NBPF11: variants seen among roughly 807,000 people sequenced by gnomAD.
NBPF11 encodes the protein NBPF member 11, also known as NBPF family member NBPF11.
A neutral mutation model predicts 93.9 loss-of-function variants in NBPF11; 72 were observed. The ratio of observed to expected loss-of-function variants is 0.77; its 90% CI spans 0.63 to 0.93. NBPF11 has a LOEUF of 0.93. Ranked by LOEUF, NBPF11 falls within the 40% of genes least tolerant of loss-of-function variation. NBPF11 has a pLI of 0.00. For synonymous variants in NBPF11, 224 were observed against 304.9 expected (o/e 0.73, Z 2.76); for missense variants, 705 against 802.2 (o/e 0.88, Z 1.46).
rs1419979833 is a variant in NBPF11 at position 148,120,425 on chromosome 1, A to G, written c.988+76T>C. 31 of 791,004 alleles carry G rather than the reference A, an allele frequency of 3.9e-5. No homozygotes were observed. In the Admixed American group the frequency reaches 4.8e-4, roughly 12 times the overall value. 49.0% of individuals were successfully genotyped at this position (791,004 alleles called of 1,614,324 possible). On this transcript the variant is annotated intron_variant, in intron 10 of 23. Coordinates refer to ENST00000682118, the MANE Select transcript of NBPF11 (RefSeq NM_001385469.3). ...GGGAGGATGACATTATTTTTGATGG[A>G]GAGAGCACTTAGTTTCTCAGAGAGA...
intron 14 of NBPF11, among the ~76,000 whole-genome samples, chr1:148,115,520 A>C (rs587595239): frequency 2.0e-5 from 3 of 151,676 alleles, no homozygotes; most frequent in Admixed American, 6.6e-5. Flanking sequence ...ACTGAATCGA[A>C]GTTAGGAGGC....
intron 1 of NBPF11, among the ~76,000 whole-genome samples, chr1:148,148,188 C>T (rs1403354571): frequency 2.2e-4 from 34 of 152,304 alleles, no homozygotes; most frequent in African/African-American, 7.7e-4. Context: ...GGGTGAGTGG[C>T]GAGCTGTGGA....
rs1306190733 is a variant in NBPF11, at chr1:148,105,572, C to T, written c.2304-44G>A. The T allele has an allele frequency of 2.4e-5, 17 of 709,270 alleles. 1 individual carries two copies. Among genetic ancestry groups the T allele is most frequent in the African/African-American group, 4.8e-5 (2 of 41,382 alleles). 43.9% of individuals were successfully genotyped at this position (709,270 alleles called of 1,614,324 possible). ...GTAAAGAATAAGCCAGGGGAAATCA[C>T]ACACAACAGAGCCCCAACTAGGTTT... On this transcript the variant is annotated intron_variant, in intron 21 of 23. Coordinates refer to ENST00000682118, the MANE Select transcript of NBPF11 (RefSeq NM_001385469.3).
chr1:148,137,993 T>C (rs1364910220), intron 2 of NBPF11, among the ~76,000 whole-genome samples, 184 bp from the exon 3 acceptor site: 1 of 150,906 alleles, frequency 6.6e-6, no homozygotes, highest in Middle Eastern at 3.2e-3. Flanking sequence ...CACTGGCCTC[T>C]GAGTTCCCTT....
At chr1:148,147,511 T>A (rs1185115902) in intron 1 of NBPF11, among the ~76,000 whole-genome samples, 3 of 151,896 alleles carry the variant, frequency 2.0e-5, no homozygotes, top group Non-Finnish European at 4.4e-5. Flanking sequence ...TTCACCGGTG[T>A]TTGAGCAGCG....
chr1:148,145,087 A>G (rs1210055853), intron 1 of NBPF11, among the ~76,000 whole-genome samples: 1 of 149,078 alleles, frequency 6.7e-6, no homozygotes, highest in Non-Finnish European at 1.5e-5. Context: ...TGGGCAACAG[A>G]GTAAGACCCT....
Position 148,122,173 on chromosome 1 carries a change from G to A in NBPF11, c.660C>T (p.Ser220=). Residue 220 remains serine (S), a synonymous_variant, in exon 9 of 24, where the codon TCC becomes TCT. Coordinates refer to ENST00000682118, the MANE Select transcript of NBPF11 (RefSeq NM_001385469.3). Reference sequence around the variant, plus strand: ...TTTTGATGTTCTTGTGAGGCTGGATGGAGTCACAAGGGCCGTGGCTATTTG... The same window carrying A: ...TTTTGATGTTCTTGTGAGGCTGGATAGAGTCACAAGGGCCGTGGCTATTTG... ...TCSNSHGPCD[S]IQPHKNIKIT... is the part of the protein sequence containing the mutation. The A allele has an allele frequency of 3.7e-6, 6 of 1,612,628 alleles. No homozygotes were observed. Among genetic ancestry groups the A allele is most frequent in the Non-Finnish European group, 5.1e-6 (6 of 1,179,266 alleles).
At chr1:148,139,338 G>C (rs1671840671) in intron 2 of NBPF11, among the ~76,000 whole-genome samples, 2 of 143,490 alleles carry the variant, frequency 1.4e-5, no homozygotes, top group African/African-American at 2.7e-5. Context: ...TTCTCTATTT[G>C]TCACAAAACG....
At chr1:148,148,951 CG>C (rs1332369406) in intron 1 of NBPF11, among the ~76,000 whole-genome samples, 1 of 151,102 alleles carries the variant, frequency 6.6e-6, no homozygotes, top group Non-Finnish European at 1.5e-5. Flanking sequence ...GCGCAGGGAA[CG>C]GGGCGGGGCC....
At chr1:148,147,612 C>T (rs1304459977) in intron 1 of NBPF11, among the ~76,000 whole-genome samples, 2 of 152,000 alleles carry the variant, frequency 1.3e-5, no homozygotes, top group African/African-American at 4.8e-5. Flanking sequence ...CTCGTCCTGG[C>T]CCTGCCCAGC....
chr1:148,108,553 G>C lies in NBPF11; in HGVS notation c.1955C>G (p.Ser652Ter), dbSNP rs1468905157. The C allele has an allele frequency of 2.5e-6, 4 of 1,603,766 alleles. No individual in the cohort carries two copies. In the East Asian group the frequency reaches 8.9e-5, roughly 36 times the overall value. The change falls in exon 18 of 24, where the codon TCA becomes TGA. Residue 652 changes from serine to a stop codon, truncating the protein, a stop_gained. Transcript: ENST00000682118. LOFTEE classifies it high-confidence loss of function. ...AAAGGCACTTCTGTAGGGCTGGCAT[G>C]AGTCAGTCAGTCCAAGATAAACTGA... ...TPSVYLGLTD[S>*]CQPYRSAFYV...
chr1:148,138,511 G>A (rs1164437494), intron 2 of NBPF11, among the ~76,000 whole-genome samples: 3 of 151,828 alleles, frequency 2.0e-5, no homozygotes, highest in Non-Finnish European at 2.9e-5. Context: ...GCAGTCTTCC[G>A]CAGTGTAGTG....
At chr1:148,126,733 C>G (rs1427240784) in intron 5 of NBPF11, 96 bp downstream of exon 5, 1 of 884,652 alleles carries the variant, frequency 1.1e-6, no homozygotes, top group Non-Finnish European at 1.9e-6. Context: ...TTTCTGTTTT[C>G]CTAGAAGTAC....
chr1:148,129,075 C>A (rs1231879354), intron 4 of NBPF11, among the ~76,000 whole-genome samples: 2 of 127,134 alleles, frequency 1.6e-5, no homozygotes, highest in Non-Finnish European at 3.4e-5. Context: ...TGCAGCAAAC[C>A]AACATGGCAC....
chr1:148,104,176 G>C (rs1662979861), intron 23 of NBPF11, among the ~76,000 whole-genome samples: 1 of 144,726 alleles, frequency 6.9e-6, no homozygotes, highest in African/African-American at 2.7e-5. Context: ...GAATTGGCCA[G>C]GTGACATACT....
intron 20 of NBPF11, 54 bp from the exon 21 acceptor site, chr1:148,106,286 T>C (rs1296711033): frequency 3.2e-6 from 2 of 618,644 alleles, no homozygotes; most frequent in East Asian, 5.5e-5. Context: ...CCTACACCCA[T>C]AACAGTCCAC....
chr1:148,119,659 A>C (rs1339073667), intron 10 of NBPF11, among the ~76,000 whole-genome samples: 54 of 151,946 alleles, frequency 3.6e-4, no homozygotes, highest in Non-Finnish European at 5.4e-4. Flanking sequence ...ATTTTTATTT[A>C]TCATTATTAT....
intron 4 of NBPF11, among the ~76,000 whole-genome samples, chr1:148,134,675 A>T (rs1558159671): frequency 6.6e-6 from 1 of 151,638 alleles, no homozygotes; most frequent in Non-Finnish European, 1.5e-5. Flanking sequence ...CAGTTGTATT[A>T]TAAAGGGCCA....
Position 148,104,472 on chromosome 1 carries a change from T to A in NBPF11, c.2581+65A>T, listed in dbSNP as rs1663048503. 4 of 596,690 alleles carry A rather than the reference T, an allele frequency of 6.7e-6. No individual in the cohort carries two copies. In the Admixed American group the frequency reaches 9.0e-5, roughly 13 times the overall value. The allele number at this position is 596,690 out of a possible 1,614,324, so 37.0% of individuals were successfully genotyped here. ...AACATGACATCAAACACACTCTGGT[T>A]TCCCTGAATCTGTTGCCTCCAGGTG... On this transcript the variant is annotated intron_variant, in intron 23 of 23. Coordinates refer to ENST00000682118, the MANE Select transcript of NBPF11 (RefSeq NM_001385469.3).
Sources: allele counts gnomAD v4.1 joint callset (sites outside exome capture counted in the v4.1 genomes callset), GRCh38; gene constraint gnomAD v4.1.1; transcripts MANE v1.5; gene names NCBI Gene and HGNC (gene_info 2026-07-23, HGNC 2026-07-21).